The following ARHGEF17 variants were observed in gnomAD, a reference collection of about 807,000 sequenced individuals.
ARHGEF17 encodes the protein Rho guanine nucleotide exchange factor 17, also known as 164 kDa Rho-specific guanine-nucleotide exchange factor.
A neutral mutation model predicts 174.0 loss-of-function variants in ARHGEF17; 80 were observed. The ratio of observed to expected loss-of-function variants is 0.46; its 90% CI spans 0.38 to 0.55. ARHGEF17 has a LOEUF of 0.55. ARHGEF17 is among the 20% of genes least tolerant of loss of function. The pLI is 0.00. For synonymous variants in ARHGEF17, 1,311 were observed against 1,189.1 expected, an observed-to-expected ratio of 1.10 and a Z score of -2.11; for missense variants, 2,886 against 2,839.7, an observed-to-expected ratio of 1.02 and a Z score of -0.37.
At position 73,360,329 on chromosome 11, in the gene ARHGEF17, G is replaced by A. The variant is rs775351472; in HGVS notation, c.4216G>A (p.Asp1406Asn). ...SLGFPHQSLDDALRDLSAAMH... is the reference protein window; with the variant it reads ...SLGFPHQSLDNALRDLSAAMH... ...GCCCTCTTCCCCACAGAGCCTGGAC[G>A]ATGCACTGCGGGACCTCTCAGCTGC... Residue 1406 changes from aspartate to asparagine, a missense_variant, in exon 11 of 21, where the codon GAT (aspartate) becomes AAT (asparagine). Physicochemically the swap from Asp to Asn is conservative, Grantham distance 23. This residue lies in a region of ARHGEF17 where 476 missense variants were observed against 473.1 expected (regional missense o/e 1.01). Coordinates refer to ENST00000263674, the MANE Select transcript of ARHGEF17 (RefSeq NM_014786.4). The A allele has an allele frequency of 6.8e-6, 11 of 1,613,666 alleles. No homozygotes were observed. In the South Asian group the frequency reaches 7.7e-5, roughly 11 times the overall value.
intron 1 of ARHGEF17, among the ~76,000 whole-genome samples, chr11:73,327,268 A>G (rs1865117740): frequency 6.6e-6 from 1 of 151,970 alleles, no homozygotes; most frequent in South Asian, 2.1e-4. Context: ...CTACGCTCCC[A>G]GAATGTGCAC....
chr11:73,323,770 C>A (rs1865056107), intron 1 of ARHGEF17, among the ~76,000 whole-genome samples: 1 of 151,946 alleles, frequency 6.6e-6, no homozygotes. Context: ...CCGGGCCTGG[C>A]CCCAAGGCTG....
At chr11:73,357,382 C>A in intron 9 of ARHGEF17, 55 bp downstream of exon 9, 1 of 1,508,200 alleles carries the variant, frequency 6.6e-7, no homozygotes. Flanking sequence ...AGAAGCCCTC[C>A]TGGAGGGTCT....
intron 3 of ARHGEF17, 34 bp from the exon 4 acceptor site, chr11:73,355,499 C>T: frequency 6.6e-7 from 1 of 1,508,780 alleles, no homozygotes; most frequent in South Asian, 1.1e-5. Context: ...TGAGGGACAC[C>T]TTGAGGGTCC....
intron 14 of ARHGEF17, 107 bp from the exon 15 acceptor site, chr11:73,363,099 A>G: frequency 7.1e-7 from 1 of 1,402,856 alleles, no homozygotes; most frequent in African/African-American, 1.5e-5. Context: ...AACAGCTTTG[A>G]GAGGCCTTCC....
intron 2 of ARHGEF17, 24 bp downstream of exon 2, chr11:73,346,984 T>A: frequency 1.3e-6 from 2 of 1,585,988 alleles, no homozygotes; most frequent in Middle Eastern, 1.7e-4. Flanking sequence ...CCCACTCCCC[T>A]GAGAATGGCC....
Position 73,360,105 on chromosome 11 carries a change from A to G in ARHGEF17, c.4206+153A>G, listed in dbSNP as rs536825709. Reference sequence around the variant, plus strand: ...TCGCAGCCTCCCTGCGTATGGGGGAAGTAACATGTTCCAGGTCTGAGGGTG... The same window carrying G: ...TCGCAGCCTCCCTGCGTATGGGGGAGGTAACATGTTCCAGGTCTGAGGGTG... On this transcript the variant is annotated intron_variant, in intron 10 of 20. Transcript: ENST00000263674. Among the ~76,000 whole-genome samples the G allele has an allele frequency of 3.3e-5, 5 of 152,322 alleles. No homozygotes were observed. In the East Asian group the frequency reaches 7.7e-4, roughly 23 times the overall value.
intron 9 of ARHGEF17, among the ~76,000 whole-genome samples, chr11:73,358,453 CTT>C (rs1172357794): frequency 3.2e-5 from 3 of 93,298 alleles, no homozygotes; most frequent in Non-Finnish European, 2.0e-5. Flanking sequence ...AGGTCCGCCT[CTT>C]TTTTTTTTTT....
intron 1 of ARHGEF17, among the ~76,000 whole-genome samples, chr11:73,326,674 T>C (rs1865107008): frequency 6.6e-6 from 1 of 151,992 alleles, no homozygotes; most frequent in Non-Finnish European, 1.5e-5. Context: ...GCACCGAGAT[T>C]GCACATTGCA....
intron 1 of ARHGEF17, among the ~76,000 whole-genome samples, chr11:73,330,803 C>T (rs1183224411): frequency 6.6e-6 from 1 of 152,224 alleles, no homozygotes; most frequent in Admixed American, 6.5e-5. Context: ...AGCTAGCGCC[C>T]ACTCAGGCTT....
At chr11:73,364,089 A>C (rs1376349119) in intron 16 of ARHGEF17, 83 bp from the exon 17 acceptor site, 5 of 1,425,648 alleles carry the variant, frequency 3.5e-6, no homozygotes, top group Non-Finnish European at 4.9e-6. Flanking sequence ...AGCCATACCC[A>C]TTCTATCTGT....
chr11:73,345,542 C>T (rs1300305861), intron 1 of ARHGEF17, among the ~76,000 whole-genome samples: 2 of 152,020 alleles, frequency 1.3e-5, no homozygotes, highest in Non-Finnish European at 2.9e-5. Context: ...GCAGGACAGG[C>T]CTGGGCTCAG....
In ARHGEF17 at chr11:73,367,919, G is replaced by A. The variant is rs773323893; in HGVS notation, c.*139G>A. The A allele has an allele frequency of 4.7e-5, 43 of 911,990 alleles. No homozygotes were observed. The highest frequency in any genetic ancestry group is 5.7e-5 in the Non-Finnish European group (36 of 629,082). The allele number at this position is 911,990 out of a possible 1,614,324, so 56.5% of individuals were successfully genotyped here. Reference sequence around the variant, plus strand: ...CCTGCGTGGGCTCTGCCTTGTCTTCGCGGAAGCATTCCTGATGGAACACCC... The same window carrying A: ...CCTGCGTGGGCTCTGCCTTGTCTTCACGGAAGCATTCCTGATGGAACACCC... On this transcript the variant is annotated 3_prime_UTR_variant, in exon 21 of 21. Transcript: ENST00000263674.
In ARHGEF17 at chr11:73,357,466, G is replaced by A. The variant is rs1865664692; in HGVS notation, c.4087+139G>A. On this transcript the variant is annotated intron_variant, in intron 9 of 20. Coordinates refer to ENST00000263674, the MANE Select transcript of ARHGEF17 (RefSeq NM_014786.4). ...GCCTCGCTCTCTCATCCAGTGCAAG[G>A]GGGCTGGCATGAAGGACCCATTTGG... is the stretch of plus-strand genomic sequence containing the variant. 2.4e-5 allele frequency: 18 copies of A among 758,270 alleles called. 1 individual carries two copies. In the South Asian group the frequency reaches 3.3e-4, roughly 14 times the overall value. 47.0% of individuals were successfully genotyped at this position (758,270 alleles called of 1,614,324 possible).
In ARHGEF17 at chr11:73,311,146, G is replaced by A; in HGVS notation, c.2508G>A (p.Glu836=). Residue 836 remains glutamate (E), a synonymous_variant, in exon 1 of 21, where the codon GAG becomes GAA. Coordinates refer to ENST00000263674, the MANE Select transcript of ARHGEF17 (RefSeq NM_014786.4). ...TGAGTGACCCCAGCCGCCGTGGGGA[G>A]CTGGCTGGGCCTGGATTCGAGGGCC... ...KSLSDPSRRG[E]LAGPGFEGPG... 6.3e-7 allele frequency: 1 copy of A among 1,598,322 alleles called. No individual in the cohort carries two copies. Among genetic ancestry groups the A allele is most frequent in the Non-Finnish European group, 8.6e-7 (1 of 1,169,450 alleles).
chr11:73,353,193 A>G lies in ARHGEF17; in HGVS notation c.3453+181A>G, dbSNP rs898700963. ...AGCCCCTGGGTGGACCTGAACTTGG[A>G]CACTCCCCTACCCCAAAGCTTGGCC... On this transcript the variant is annotated intron_variant, in intron 3 of 20. Transcript: ENST00000263674. The G allele has an allele frequency of 4.0e-6, 3 of 752,850 alleles. No individual in the cohort carries two copies. In the African/African-American group the frequency reaches 5.3e-5, roughly 13 times the overall value. The allele number at this position is 752,850 out of a possible 1,614,324, so 46.6% of individuals were successfully genotyped here.
Position 73,362,232 on chromosome 11 carries a change from T to C in ARHGEF17, c.4687T>C (p.Cys1563Arg). 6.5e-7 allele frequency: 1 copy of C among 1,536,974 alleles called. No homozygotes were observed. The highest frequency in any genetic ancestry group is 8.7e-7 in the Non-Finnish European group (1 of 1,146,252). The change falls in exon 13 of 21, where the codon TGC becomes CGC. Residue 1563 changes from cysteine to arginine, a missense_variant. Cys to Arg is a radical substitution (Grantham distance 180). Coordinates refer to ENST00000263674, the MANE Select transcript of ARHGEF17 (RefSeq NM_014786.4). The stretch of plus-strand genomic sequence containing the variant: ...GGCGGTGCCCGGGCTGCAGCCTCGC[T>C]GCCACCGGTGAGGCCTGGGCGGCGG... ...IGAVPGLQPRCHREPPPSLRS... is the reference protein window; with the variant it reads ...IGAVPGLQPRRHREPPPSLRS...
chr11:73,309,459 C>T lies in ARHGEF17; in HGVS notation c.821C>T (p.Ser274Phe). ...AGTCCGGCCTACCACGGCGGCCACT[C>T]CTCGGGCAGTGACGACGACCGAGAC... ...AQSPAYHGGHSSGSDDDRDGE... is the reference protein window; with the variant it reads ...AQSPAYHGGHFSGSDDDRDGE... Residue 274 changes from serine (S) to phenylalanine (F), a missense_variant, in exon 1 of 21, where the codon TCC becomes TTC. Around this residue, in one of 4 missense-constraint regions of ARHGEF17, gnomAD observed 1,728 missense variants for 1,461.2 expected, o/e 1.18. Coordinates refer to ENST00000263674, the MANE Select transcript of ARHGEF17 (RefSeq NM_014786.4). 1 of 1,543,208 alleles carries T rather than the reference C, an allele frequency of 6.5e-7. No homozygotes were observed. Among genetic ancestry groups the T allele is most frequent in the Non-Finnish European group, 8.7e-7 (1 of 1,143,496 alleles).
chr11:73,333,363 C>T (rs1591736407), intron 1 of ARHGEF17, among the ~76,000 whole-genome samples: 1 of 152,268 alleles, frequency 6.6e-6, no homozygotes, highest in East Asian at 1.9e-4. Context: ...CACACTTGTG[C>T]ACATGCACGC....
Sources: allele counts gnomAD v4.1 joint callset (sites outside exome capture counted in the v4.1 genomes callset), GRCh38; gene constraint gnomAD v4.1.1; regional missense constraint gnomAD v4.1.1; transcripts MANE v1.5; gene names NCBI Gene and HGNC (gene_info 2026-07-23, HGNC 2026-07-21).